PDE2A: variants seen among roughly 807,000 people sequenced by gnomAD.
The protein encoded by PDE2A is cGMP-dependent 3',5'-cyclic phosphodiesterase.
Under a neutral mutation model 133.6 loss-of-function variants are expected in PDE2A, and 53 were observed. The observed-to-expected ratio is 0.40, with a 90% CI of 0.32 to 0.50. The LOEUF (loss-of-function observed/expected upper bound fraction) is 0.50. Among genes scored for constraint, PDE2A ranks in the 20% least tolerant of loss-of-function variants. The pLI, the probability that PDE2A is intolerant of heterozygous loss-of-function variation, is 0.73. For missense variants in PDE2A, 796 were observed against 1,232.4 expected (o/e 0.65, Z 5.30); for synonymous variants, 491 against 490.2 (o/e 1.00, Z -0.02).
At chr11:72,652,715 G>A (rs12146545) in intron 1 of PDE2A, 197,455 of 456,010 alleles carry the variant, frequency 0.43, 45,424 homozygotes, top group Middle Eastern at 0.57. Flanking sequence ...GAGGTCATTC[G>A]TCCAAAGTCA....
At position 72,578,570 on chromosome 11, in the gene PDE2A, C is replaced by T; in HGVS notation, c.2470-56G>A. On this transcript the variant is annotated intron_variant, in intron 28 of 30. Transcript: ENST00000334456. The surrounding 1 kb of genome is among the most constrained non-coding windows in gnomAD (Gnocchi z 4.2). ...TATGTAGGATACATCCACCCAAGCTCCTCTGACAGCCCGTTCCCAGGAGAG... is the reference window on the plus strand; with the variant it reads ...TATGTAGGATACATCCACCCAAGCTTCTCTGACAGCCCGTTCCCAGGAGAG... 2 of 1,415,944 alleles carry T rather than the reference C, an allele frequency of 1.4e-6. No homozygotes were observed. The highest frequency in any genetic ancestry group is 2.0e-6 in the Non-Finnish European group (2 of 999,708). The allele number at this position is 1,415,944 out of a possible 1,614,324, so 87.7% of individuals were successfully genotyped here. A position where few individuals can be genotyped will look rare whatever the true frequency, so the allele number is the denominator to read the frequency against.
intron 2 of PDE2A, chr11:72,631,042 C>T: frequency 1.4e-6 from 2 of 1,474,084 alleles, no homozygotes; most frequent in Non-Finnish European, 1.9e-6. Flanking sequence ...CCCACCCCCT[C>T]AAGCCCACCC....
At chr11:72,622,297 G>A (rs143969743) in intron 2 of PDE2A, among the ~76,000 whole-genome samples, 25 of 152,334 alleles carry the variant, frequency 1.6e-4, no homozygotes, top group African/African-American at 6.0e-4. Flanking sequence ...CAGTATGGCA[G>A]TTCCTCAAAA....
chr11:72,598,845 G>A (rs384892), intron 4 of PDE2A: 116,094 of 985,140 alleles, frequency 0.12, 7,045 homozygotes, highest in Non-Finnish European at 0.12. Context: ...TACAGGAACC[G>A]GTGGTGTCTC....
chr11:72,592,986 G>T (rs187700163), intron 6 of PDE2A, among the ~76,000 whole-genome samples: 2 of 152,134 alleles, frequency 1.3e-5, no homozygotes, highest in Admixed American at 1.3e-4. Flanking sequence ...CGTGGTTCTT[G>T]TTCCTTCCAC....
At position 72,590,582 on chromosome 11, in the gene PDE2A, TG is replaced by T; in HGVS notation, c.550-3del. The T allele has an allele frequency of 7.3e-7, 1 of 1,369,564 alleles. No individual in the cohort carries two copies. 84.8% of individuals were successfully genotyped at this position (1,369,564 alleles called of 1,614,324 possible). On this transcript the variant is annotated splice_polypyrimidine_tract_variant and splice_region_variant and intron_variant, in intron 7 of 30. Transcript: ENST00000334456. The surrounding 1 kb of genome is among the most constrained non-coding windows in gnomAD (Gnocchi z 4.8). The stretch of plus-strand genomic sequence containing the variant: ...CACCCTCCGCAGGGCGACCAGGGTC[TG>T]GGGCAGGCCGAGCGGTTAGCGCGCC...
chr11:72,621,008 GTATT>G (rs1340128406), intron 2 of PDE2A, among the ~76,000 whole-genome samples: 1 of 152,136 alleles, frequency 6.6e-6, no homozygotes, highest in African/African-American at 2.4e-5. Context: ...AGACCATAGA[GTATT>G]TACCAAGTGC....
chr11:72,633,783 C>T (rs1457272915), intron 2 of PDE2A, among the ~76,000 whole-genome samples: 5 of 152,110 alleles, frequency 3.3e-5, no homozygotes, highest in Non-Finnish European at 7.4e-5. Context: ...GGGAGGGCAG[C>T]TCAGGGCTGT....
At chr11:72,636,091 A>G (rs1858680117) in intron 2 of PDE2A, 2 of 1,244,904 alleles carry the variant, frequency 1.6e-6, no homozygotes, top group South Asian at 2.6e-5. Context: ...GGGAGACAGG[A>G]AAGGCAGAAT....
At position 72,581,440 on chromosome 11, in the gene PDE2A, G is replaced by A; in HGVS notation, c.1962C>T (p.Pro654=). ...AAAAGGCGTGCATCCAGTTGTGGTA[G>A]GGGGGATCCCGGTAGCCCTTCTTCA... is the stretch of plus-strand genomic sequence containing the variant. The part of the protein sequence containing the change: ...LMVKKGYRDP[P]YHNWMHAFSV... Residue 654 remains proline (P), a synonymous_variant, in exon 23 of 31, where the codon CCC becomes CCT. Transcript: ENST00000334456. 3 of 1,608,240 alleles carry A rather than the reference G, an allele frequency of 1.9e-6. No homozygotes were observed. The highest frequency in any genetic ancestry group is 2.5e-6 in the Non-Finnish European group (3 of 1,177,874).
At position 72,642,281 on chromosome 11, in the gene PDE2A, C is replaced by A. The variant is rs1250903508; in HGVS notation, c.117G>T (p.Pro39=). 2.6e-6 allele frequency: 4 copies of A among 1,514,644 alleles called. No individual in the cohort carries two copies. The highest frequency in any genetic ancestry group is 2.9e-5 in the African/African-American group (2 of 69,602). The allele number at this position is 1,514,644 out of a possible 1,614,324, so 93.8% of individuals were successfully genotyped here. A position where few individuals can be genotyped will look rare whatever the true frequency, so the allele number is the denominator to read the frequency against. The stretch of plus-strand genomic sequence containing the variant: ...GCAGGCTGTCGGCGCATGGCTGCGG[C>A]GGCGGCGGCGGCTCGTCCGGCTTGA... The part of the protein sequence containing the change: ...VFLKPDEPPP[P]PQPCADSLQD... Residue 39 remains proline, a synonymous_variant, in exon 2 of 31, where the codon CCG becomes CCT. Coordinates refer to ENST00000334456, the MANE Select transcript of PDE2A (RefSeq NM_002599.5).
chr11:72,582,009 G>C, intron 21 of PDE2A, 62 bp from the exon 22 acceptor site: 1 of 1,307,114 alleles, frequency 7.7e-7, no homozygotes, highest in South Asian at 1.2e-5. Context: ...CCCTTGCCTG[G>C]GTCCTTCTTC....
intron 1 of PDE2A, among the ~76,000 whole-genome samples, chr11:72,651,591 G>C (rs956006273): frequency 6.6e-6 from 1 of 152,136 alleles, no homozygotes; most frequent in African/African-American, 2.4e-5. Context: ...TCTAAACTGG[G>C]GATCAACTGG....
At position 72,584,748 on chromosome 11, in the gene PDE2A, G is replaced by A. The variant is rs374262344; in HGVS notation, c.1360-20C>T. 2.9e-4 allele frequency: 473 copies of A among 1,612,604 alleles called. 1 individual carries two copies. The highest frequency in any genetic ancestry group is 3.7e-4 in the Non-Finnish European group (434 of 1,179,606). On this transcript the variant is annotated intron_variant, in intron 17 of 30. Transcript: ENST00000334456. ...ATAGCTCTGCCGGAGCAGAGATGGA[G>A]TCGAGAGGAAGAAGTTAGTGACCCG...
At position 72,590,284 on chromosome 11, in the gene PDE2A, G is replaced by A; in HGVS notation, c.704-40C>T. On this transcript the variant is annotated intron_variant, in intron 8 of 30. Transcript: ENST00000334456. This position sits in a 1 kb window ranked among gnomAD's most constrained non-coding sequence, Gnocchi z 4.8. Reference sequence around the variant, plus strand: ...CGCCGGTCAGAGAGAGGGCCCCTCCGCACCTCCGTGTCCGGGTCCCTCAGG... The same window carrying A: ...CGCCGGTCAGAGAGAGGGCCCCTCCACACCTCCGTGTCCGGGTCCCTCAGG... 2 of 1,544,838 alleles carry A rather than the reference G, an allele frequency of 1.3e-6. No individual in the cohort carries two copies.
chr11:72,658,499 T>C (rs1482735460), intron 1 of PDE2A, among the ~76,000 whole-genome samples: 1 of 152,054 alleles, frequency 6.6e-6, no homozygotes, highest in East Asian at 1.9e-4. Flanking sequence ...TTTTTCTGTT[T>C]TAAATTTTTT....
At chr11:72,583,342 C>A in intron 20 of PDE2A, 96 bp downstream of exon 20, 1 of 877,010 alleles carries the variant, frequency 1.1e-6, no homozygotes, top group Non-Finnish European at 1.9e-6. Context: ...CTGGGCCTAT[C>A]CTCTCATCCT....
intron 2 of PDE2A, among the ~76,000 whole-genome samples, chr11:72,641,452 T>G (rs934145287): frequency 6.6e-6 from 1 of 152,084 alleles, no homozygotes; most frequent in African/African-American, 2.4e-5. Context: ...AAAACGAAGA[T>G]GGAGACCTAG....
chr11:72,594,706 T>G (rs1856393583), intron 6 of PDE2A, among the ~76,000 whole-genome samples: 1 of 151,984 alleles, frequency 6.6e-6, no homozygotes, highest in Non-Finnish European at 1.5e-5. Flanking sequence ...TCCCCCGGCC[T>G]CCTTCCTGCC....
Sources: gnomAD v4.1 joint callset for allele counts (sites outside exome capture counted in the v4.1 genomes callset) on GRCh38, gnomAD v4.1.1 for gene constraint, Gnocchi (gnomAD v3.1) non-coding constraint, MANE v1.5 for transcripts, NCBI Gene and HGNC (gene_info 2026-07-23, HGNC 2026-07-21) for gene names.